Variants in DNER observed in about 807,000 individuals in gnomAD.
The protein encoded by DNER is delta and Notch-like epidermal growth factor-related receptor.
DNER carries 33 observed loss-of-function variants against 78.2 expected under a neutral mutation model. That is an observed-to-expected ratio of 0.42 (90% CI 0.32 to 0.56). DNER has a LOEUF of 0.56. Ranked by LOEUF, DNER falls within the 20% of genes least tolerant of loss-of-function variation. The probability of loss-of-function intolerance (pLI) is 0.11; values close to 1 mark genes in which losing one functional copy is unlikely to be tolerated. For synonymous variants in DNER, 417 were observed against 384.8 expected (o/e 1.08, Z -0.98); for missense variants, 918 against 975.3 (o/e 0.94, Z 0.78).
chr2:229,692,768 C>T (rs547419973), intron 1 of DNER, among the ~76,000 whole-genome samples: 3 of 152,142 alleles, frequency 2.0e-5, no homozygotes, highest in Non-Finnish European at 4.4e-5. Context: ...ATTCATTCCA[C>T]ATAGTTTTAA....
intron 7 of DNER, among the ~76,000 whole-genome samples, chr2:229,475,782 T>C (rs1389928544): frequency 2.0e-5 from 3 of 152,124 alleles, no homozygotes; most frequent in East Asian, 1.9e-4. Flanking sequence ...CCAGCAATAA[T>C]AGGAAAGCAT....
rs757532694 is a variant in DNER at position 229,358,524 on chromosome 2, AT to A, written c.*15del. 4 of 1,585,820 alleles carry A rather than the reference AT, an allele frequency of 2.5e-6. No homozygotes were observed. The highest frequency in any genetic ancestry group is 3.4e-6 in the Non-Finnish European group (4 of 1,165,678). Reference sequence around the variant, plus strand: ...GTGTAGTATCTCATCTTTTTGAAAAATAATCCAAAAAAAGATTACAAATCTT... The same window carrying A: ...GTGTAGTATCTCATCTTTTTGAAAAAAATCCAAAAAAAGATTACAAATCTT... On this transcript the variant is annotated 3_prime_UTR_variant, in exon 13 of 13. Transcript: ENST00000341772.
chr2:229,478,667 C>G (rs147374149), intron 6 of DNER, among the ~76,000 whole-genome samples: 1 of 152,126 alleles, frequency 6.6e-6, no homozygotes, highest in African/African-American at 2.4e-5. Context: ...AAAATAATAG[C>G]CAAAACTTAC....
chr2:229,615,828 C>G (rs1263580498), intron 1 of DNER, among the ~76,000 whole-genome samples: 1 of 152,036 alleles, frequency 6.6e-6, no homozygotes, highest in Non-Finnish European at 1.5e-5. Context: ...TATTGCAAAG[C>G]AAGCAGCCAC....
At chr2:229,494,495 G>A (rs2042138) in intron 6 of DNER, among the ~76,000 whole-genome samples, 41,435 of 152,122 alleles carry the variant, frequency 0.27, 5,803 homozygotes, top group South Asian at 0.32. Context: ...CCATCAGAAC[G>A]TAACAGCTCA....
intron 1 of DNER, among the ~76,000 whole-genome samples, chr2:229,681,202 G>C (rs1699381929): frequency 6.6e-6 from 1 of 152,124 alleles, no homozygotes; most frequent in Non-Finnish European, 1.5e-5. Flanking sequence ...ACAACCAGCA[G>C]GTACAAGACT....
At chr2:229,665,028 C>T (rs897225339) in intron 1 of DNER, among the ~76,000 whole-genome samples, 3 of 152,112 alleles carry the variant, frequency 2.0e-5, no homozygotes, top group African/African-American at 4.8e-5. Flanking sequence ...CTTTAATTTG[C>T]GGAATAGTTA....
chr2:229,641,883 T>C (rs1698631342), intron 1 of DNER, among the ~76,000 whole-genome samples: 3 of 152,180 alleles, frequency 2.0e-5, no homozygotes. Context: ...ATACTGATTT[T>C]TATGGTATGC....
chr2:229,388,236 A>G (rs1692939345), intron 11 of DNER, 29 bp downstream of exon 11: 2 of 1,587,966 alleles, frequency 1.3e-6, no homozygotes, highest in Non-Finnish European at 1.7e-6. Context: ...AATGTTAAAT[A>G]ACAGTGGCTG....
rs552033923 is a variant in DNER at position 229,623,134 on chromosome 2, T to C, written c.277-31246A>G. On this transcript the variant is annotated intron_variant, in intron 1 of 12. Coordinates refer to ENST00000341772, the MANE Select transcript of DNER (RefSeq NM_139072.4). ...ACCTTTGAGACTCTCGCAGACCTCA[T>C]GGTGGGAGCATTCTCCCTATTGCGC... Among the ~76,000 whole-genome samples the C allele has an allele frequency of 3.3e-5, 5 of 152,264 alleles. No individual in the cohort carries two copies. In the East Asian group the frequency reaches 7.7e-4, roughly 24 times the overall value.
chr2:229,452,454 C>T (rs1046687851), intron 7 of DNER, among the ~76,000 whole-genome samples: 10 of 152,020 alleles, frequency 6.6e-5, no homozygotes, highest in African/African-American at 2.4e-4. Context: ...ACAATAGGGA[C>T]TGGCAGGGTC....
At chr2:229,533,070 T>C (rs1279261624) in intron 5 of DNER, among the ~76,000 whole-genome samples, 8 of 152,132 alleles carry the variant, frequency 5.3e-5, no homozygotes. Flanking sequence ...TCACCACAGA[T>C]GAGAGACTAC....
intron 11 of DNER, among the ~76,000 whole-genome samples, chr2:229,381,286 G>A (rs1406221000): frequency 6.6e-6 from 1 of 152,212 alleles, no homozygotes; most frequent in Non-Finnish European, 1.5e-5. Flanking sequence ...CACAGACCAG[G>A]AGATTCCCTC....
At chr2:229,588,992 G>A (rs1218840828) in intron 2 of DNER, among the ~76,000 whole-genome samples, 1 of 152,202 alleles carries the variant, frequency 6.6e-6, no homozygotes, top group Non-Finnish European at 1.5e-5. Context: ...TAAGGCTGGG[G>A]AGCTTGAACG....
At chr2:229,462,431 C>A (rs1694722056) in intron 7 of DNER, among the ~76,000 whole-genome samples, 2 of 152,026 alleles carry the variant, frequency 1.3e-5, no homozygotes, top group African/African-American at 4.8e-5. Context: ...GCAAATGGCT[C>A]CAGTCAGAAA....
chr2:229,515,084 C>T (rs1482547407), intron 5 of DNER, among the ~76,000 whole-genome samples: 8 of 152,166 alleles, frequency 5.3e-5, no homozygotes, highest in Admixed American at 5.2e-4. Flanking sequence ...TTTCTATCAC[C>T]TCTCACTTCT....
In DNER at chr2:229,710,584, CCAT is replaced by C. The variant is rs1011608511; in HGVS notation, c.276+3561_276+3563del. Among the ~76,000 whole-genome samples the C allele has an allele frequency of 2.8e-3, 420 of 152,200 alleles. 2 individuals are homozygous for C. Among genetic ancestry groups the C allele is most frequent in the African/African-American group, 9.7e-3 (402 of 41,554 alleles). On this transcript the variant is annotated intron_variant, in intron 1 of 12. Transcript: ENST00000341772. ...AAGTGCTTAAAAGGAGGGTAAGCTACCATCATCATCATCATTACATATCTACAA... is the reference window on the plus strand; with the variant it reads ...AAGTGCTTAAAAGGAGGGTAAGCTACCATCATCATCATTACATATCTACAA...
chr2:229,396,839 G>A (rs543558597), intron 10 of DNER, among the ~76,000 whole-genome samples: 7 of 152,206 alleles, frequency 4.6e-5, no homozygotes, highest in Non-Finnish European at 1.5e-5. Flanking sequence ...TTATGCCAGG[G>A]CAACAAAAAG....
At chr2:229,413,212 T>C (rs1479594011) in intron 9 of DNER, among the ~76,000 whole-genome samples, 3 of 152,046 alleles carry the variant, frequency 2.0e-5, no homozygotes, top group Non-Finnish European at 4.4e-5. Context: ...TATCTGTCCA[T>C]TCTTGCTAGG....
Sources: gnomAD v4.1 joint callset for allele counts (sites outside exome capture counted in the v4.1 genomes callset) on GRCh38, gnomAD v4.1.1 for gene constraint, MANE v1.5 for transcripts, NCBI Gene and HGNC (gene_info 2026-07-23, HGNC 2026-07-21) for gene names.